The following SLC43A3 variants were observed in gnomAD, a reference collection of about 807,000 sequenced individuals.
SLC43A3 encodes solute carrier family 43 member 3.
In SLC43A3, 33 loss-of-function variants were observed where a neutral mutation model predicts 53.3. That is an observed-to-expected ratio of 0.62 (90% CI 0.47 to 0.83). The LOEUF is 0.83. Ranked by LOEUF, SLC43A3 falls within the 40% of genes least tolerant of loss-of-function variation. The probability of loss-of-function intolerance (pLI) is 0.00; values close to 1 mark genes in which losing one functional copy is unlikely to be tolerated. For missense variants in SLC43A3, 530 were observed against 610.0 expected, an observed-to-expected ratio of 0.87 and a Z score of 1.38; for synonymous variants, 236 against 246.2, an observed-to-expected ratio of 0.96 and a Z score of 0.39.
chr11:57,423,920 C>T, intron 5 of SLC43A3, 62 bp downstream of exon 5: 1 of 1,506,598 alleles, frequency 6.6e-7, no homozygotes, highest in Non-Finnish European at 9.2e-7. Context: ...TCTGCTCACA[C>T]CTGCCCCAGC....
intron 11 of SLC43A3, among the ~76,000 whole-genome samples, chr11:57,411,428 C>G (rs1468380556): frequency 8.0e-6 from 1 of 124,536 alleles, no homozygotes; most frequent in African/African-American, 3.1e-5. Context: ...TGCTTGAGCT[C>G]AGGAGTTAGA....
Position 57,414,746 on chromosome 11 carries a change from G to T in SLC43A3, c.944-15C>A. The T allele has an allele frequency of 6.2e-7, 1 of 1,605,826 alleles. No homozygotes were observed. Among genetic ancestry groups the T allele is most frequent in the Non-Finnish European group, 8.5e-7 (1 of 1,172,524 alleles). ...GTAGGTGCTGACTGCAGAAGGAAGA[G>T]AGAGGTTGGTTGATGAGAAGTTTCC... On this transcript the variant is annotated splice_polypyrimidine_tract_variant and intron_variant, in intron 10 of 13. Coordinates refer to ENST00000395124, the MANE Select transcript of SLC43A3 (RefSeq NM_199329.3).
intron 11 of SLC43A3, 28 bp from the exon 12 acceptor site, chr11:57,410,149 T>C (rs375165790): frequency 6.5e-7 from 1 of 1,545,478 alleles, no homozygotes; most frequent in Non-Finnish European, 8.7e-7. Context: ...AAAAAGAAGC[T>C]CTCTGTAGGC....
At chr11:57,424,748 G>A (rs536592342) in intron 4 of SLC43A3, among the ~76,000 whole-genome samples, 2 of 152,190 alleles carry the variant, frequency 1.3e-5, no homozygotes, top group Non-Finnish European at 2.9e-5. Flanking sequence ...GGCTTAAATT[G>A]TAAGGGACTG....
Position 57,421,021 on chromosome 11 carries a change from A to G in SLC43A3, c.482T>C (p.Leu161Pro). 6.2e-7 allele frequency: 1 copy of G among 1,614,040 alleles called. No individual in the cohort carries two copies. The highest frequency in any genetic ancestry group is 1.1e-5 in the South Asian group (1 of 91,080). ...GGAAGAGTCAAATGCTCCATTGTAC[A>G]GAGTGATGATGGTCGAACGGTGTTG... is the stretch of plus-strand genomic sequence containing the variant. ...FGQHRSTIITLYNGAFDSSSA... is the reference protein window; with the variant it reads ...FGQHRSTIITPYNGAFDSSSA... The change falls in exon 7 of 14, where the codon CTG (leucine) becomes CCG (proline). Residue 161 changes from leucine (L) to proline (P), a missense_variant. This residue lies in a region of SLC43A3 where 376 missense variants were observed against 386.7 expected (regional missense o/e 0.97). Coordinates refer to ENST00000395124, the MANE Select transcript of SLC43A3 (RefSeq NM_199329.3).
intron 4 of SLC43A3, among the ~76,000 whole-genome samples, chr11:57,424,854 T>G (rs1203464759): frequency 1.3e-5 from 2 of 152,210 alleles, no homozygotes; most frequent in Admixed American, 1.3e-4. Context: ...TGGGAGCACC[T>G]GCTCTGAGCT....
At chr11:57,409,797 C>A (rs867819194) in intron 12 of SLC43A3, 138 bp downstream of exon 12, 5 of 751,024 alleles carry the variant, frequency 6.7e-6, no homozygotes, top group South Asian at 4.0e-5. Context: ...GGTCTCACCC[C>A]CTCCACACCT....
intron 5 of SLC43A3, among the ~76,000 whole-genome samples, chr11:57,423,285 A>C (rs1398902843): frequency 6.6e-6 from 1 of 152,206 alleles, no homozygotes; most frequent in African/African-American, 2.4e-5. Flanking sequence ...TTTTGAGTAC[A>C]ATAGGGTTGT....
intron 7 of SLC43A3, among the ~76,000 whole-genome samples, chr11:57,419,669 G>A (rs1312828937): frequency 1.3e-5 from 2 of 152,014 alleles, no homozygotes; most frequent in Non-Finnish European, 2.9e-5. Flanking sequence ...GTGGTGGCAC[G>A]CCTATAGTCC....
chr11:57,408,858 T>G, intron 13 of SLC43A3: 1 of 308,454 alleles, frequency 3.2e-6, no homozygotes, highest in South Asian at 3.7e-5. Flanking sequence ...AGCACAGAGG[T>G]CCTGTCCCTG....
chr11:57,415,342 C>T (rs779407238), intron 9 of SLC43A3: 125 of 1,498,108 alleles, frequency 8.3e-5, no homozygotes, highest in East Asian at 1.3e-4. Flanking sequence ...TATTGAAATC[C>T]GATCTGTCTC....
chr11:57,414,640 C>T lies in SLC43A3; in HGVS notation c.1035G>A (p.Lys345=), dbSNP rs1174051036. Residue 345 remains lysine (K), a synonymous_variant, in exon 11 of 14, where the codon AAG becomes AAA. Coordinates refer to ENST00000395124, the MANE Select transcript of SLC43A3 (RefSeq NM_199329.3). ...CTGTCTTTCTTGCTTCCTTCTGGTA[C>T]TTCTGTTTAAGCCGGTCCATGAGCA... The part of the protein sequence containing the change: ...NGLLMDRLKQ[K]YQKEARKTGS... 1.9e-6 allele frequency: 3 copies of T among 1,610,032 alleles called. No homozygotes were observed. Among genetic ancestry groups the T allele is most frequent in the Middle Eastern group, 1.7e-4 (1 of 6,044 alleles).
At chr11:57,423,337 A>G (rs1233975810) in intron 5 of SLC43A3, among the ~76,000 whole-genome samples, 1 of 152,262 alleles carries the variant, frequency 6.6e-6, no homozygotes, top group Non-Finnish European at 1.5e-5. Context: ...CAAAATGGTC[A>G]TTCATATAAT....
chr11:57,419,560 G>A (rs1942887750), intron 7 of SLC43A3, among the ~76,000 whole-genome samples: 1 of 152,154 alleles, frequency 6.6e-6, no homozygotes, highest in African/African-American at 2.4e-5. Context: ...CACTTTGGGA[G>A]GTCAAGGAAG....
At chr11:57,414,506 CAAAAAA>C (rs397849571) in intron 11 of SLC43A3, 103 bp downstream of exon 11, 1,130 of 286,440 alleles carry the variant, frequency 3.9e-3, no homozygotes, top group East Asian at 5.1e-3. Flanking sequence ...GACTCTATCA[CAAAAAA>C]AAAAAAAAAA....
In SLC43A3 at chr11:57,426,004, C is replaced by T; in HGVS notation, c.169G>A (p.Ala57Thr). ...CGPDAGPIGN[A>T]TGQADCKAQD... Reference sequence around the variant, plus strand: ...CTGCCCTTACCAGCCTGCCCTGTGGCATTGCCAATCGGCCCAGCATCTGGT... The same window carrying T: ...CTGCCCTTACCAGCCTGCCCTGTGGTATTGCCAATCGGCCCAGCATCTGGT... The change falls in exon 3 of 14, where the codon GCC becomes ACC. Residue 57 changes from alanine (A) to threonine (T), a missense_variant. By Grantham distance (58) the Ala-to-Thr change is moderately conservative. Around this residue, in one of 3 missense-constraint regions of SLC43A3, gnomAD observed 376 missense variants for 386.7 expected, o/e 0.97. Transcript: ENST00000395124. The T allele has an allele frequency of 6.2e-7, 1 of 1,614,190 alleles. No individual in the cohort carries two copies. Among genetic ancestry groups the T allele is most frequent in the East Asian group, 2.2e-5 (1 of 44,886 alleles).
chr11:57,415,463 G>A, intron 9 of SLC43A3: 1 of 1,242,246 alleles, frequency 8.0e-7, no homozygotes, highest in South Asian at 1.3e-5. Flanking sequence ...AGAGGAGAAT[G>A]AGTGTGGATA....
intron 3 of SLC43A3, 81 bp downstream of exon 3, chr11:57,425,907 CA>C (rs1185147400): frequency 9.1e-6 from 13 of 1,432,154 alleles, no homozygotes; most frequent in Non-Finnish European, 1.1e-5. Context: ...GAGGGGTGGG[CA>C]GGGGGCAGAG....
Position 57,414,657 on chromosome 11 carries a change from C to A in SLC43A3, c.1018G>T (p.Asp340Tyr). ...LCAPWNGLLM[D>Y]RLKQKYQKEA... ...TTCTGGTACTTCTGTTTAAGCCGGT[C>A]CATGAGCAGGCCATTCCAGGGGGCA... is the stretch of plus-strand genomic sequence containing the variant. Residue 340 changes from aspartate to tyrosine, a missense_variant, in exon 11 of 14, where the codon GAC becomes TAC. By Grantham distance (160) the Asp-to-Tyr change is radical. Around this residue, in one of 3 missense-constraint regions of SLC43A3, gnomAD observed 376 missense variants for 386.7 expected, o/e 0.97. Coordinates refer to ENST00000395124, the MANE Select transcript of SLC43A3 (RefSeq NM_199329.3). The A allele has an allele frequency of 6.2e-7, 1 of 1,614,086 alleles. No individual in the cohort carries two copies. Among genetic ancestry groups the A allele is most frequent in the South Asian group, 1.1e-5 (1 of 91,064 alleles).
Sources: allele counts gnomAD v4.1 joint callset (sites outside exome capture counted in the v4.1 genomes callset), GRCh38; gene constraint gnomAD v4.1.1; regional missense constraint gnomAD v4.1.1; transcripts MANE v1.5; gene names NCBI Gene and HGNC (gene_info 2026-07-23, HGNC 2026-07-21).